Variants in CCNO observed in about 807,000 individuals in gnomAD.
CCNO encodes cyclin O.
CCNO carries 24 observed loss-of-function variants against 23.9 expected under a neutral mutation model. The observed-to-expected ratio is 1.00, with a 90% CI of 0.73 to 1.41. The LOEUF is 1.41. Ranked by LOEUF, CCNO falls within the 40% of genes most tolerant of loss-of-function variation. CCNO has a pLI of 0.00. For synonymous variants in CCNO, 241 were observed against 225.7 expected, an observed-to-expected ratio of 1.07 and a Z score of -0.61; for missense variants, 542 against 476.2, an observed-to-expected ratio of 1.14 and a Z score of -1.29.
Position 55,233,380 on chromosome 5 carries a change from C to G in CCNO, c.144G>C (p.Pro48=). The change falls in exon 1 of 3, where the codon CCG becomes CCC. Residue 48 remains proline (P), a synonymous_variant. Transcript: ENST00000282572. ...RRKQPLHPLN[P]CPLPGDSGIC... ...TGCCGGAGTCTCCCGGGAGCGGGCA[C>G]GGGTTCAGGGGATGCAGCGGCTGCT... 1 of 1,610,588 alleles carries G rather than the reference C, an allele frequency of 6.2e-7. No individual in the cohort carries two copies. Among genetic ancestry groups the G allele is most frequent in the Non-Finnish European group, 8.5e-7 (1 of 1,179,130 alleles).
chr5:55,231,322 C>G lies in CCNO; in HGVS notation c.*53G>C, dbSNP rs1363691247. On this transcript the variant is annotated 3_prime_UTR_variant, in exon 3 of 3. Transcript: ENST00000282572. ...CCAGTACTGCACTCTTCTGAGGCTA[C>G]GGGAGAGGTCCAGCAGCCGGGCCAG... 2.5e-6 allele frequency: 4 copies of G among 1,595,930 alleles called. No homozygotes were observed. The highest frequency in any genetic ancestry group is 3.4e-6 in the Non-Finnish European group (4 of 1,170,324).
chr5:55,233,371 G>C lies in CCNO; in HGVS notation c.153C>G (p.Leu51=). 1.2e-6 allele frequency: 2 copies of C among 1,610,510 alleles called. No individual in the cohort carries two copies. The highest frequency in any genetic ancestry group is 1.7e-6 in the Non-Finnish European group (2 of 1,179,172). Residue 51 remains leucine (L), a synonymous_variant, in exon 1 of 3, where the codon CTC becomes CTG. Coordinates refer to ENST00000282572, the MANE Select transcript of CCNO (RefSeq NM_021147.5). The part of the protein sequence containing the change: ...QPLHPLNPCP[L]PGDSGICDLF... ...GGTCGCAAATGCCGGAGTCTCCCGG[G>C]AGCGGGCACGGGTTCAGGGGATGCA...
intron 1 of CCNO, chr5:55,232,846 A>C (rs1222818114): frequency 1.7e-6 from 1 of 587,310 alleles, no homozygotes; most frequent in Non-Finnish European, 3.0e-6. Flanking sequence ...AGGGGTGTTA[A>C]ATAACTTGCC....
rs761492748 is a variant in CCNO at position 55,231,541 on chromosome 5, C to T, written c.887G>A (p.Arg296Gln). The T allele has an allele frequency of 3.8e-5, 62 of 1,613,384 alleles. No individual in the cohort carries two copies. The East Asian group carries it at 1.4e-3, about 35-fold the overall frequency. ...TCGCAAGTCCACGGGCCGCGAGACC[C>T]GCAGCATGCGGTCCGCCAGCGCCAG... ...CCLALADRML[R>Q]VSRPVDLRLG... Residue 296 changes from arginine to glutamine, a missense_variant, in exon 3 of 3, where the codon CGG becomes CAG. By Grantham distance (43) the Arg-to-Gln change is conservative. Transcript: ENST00000282572.
In CCNO at chr5:55,231,560, G is replaced by C. The variant is rs113727614; in HGVS notation, c.868C>G (p.Leu290Val). The change falls in exon 3 of 3, where the codon CTG (leucine) becomes GTG (valine). Residue 290 changes from leucine to valine, a missense_variant. Transcript: ENST00000282572. The stretch of plus-strand genomic sequence containing the variant: ...GAGACCCGCAGCATGCGGTCCGCCA[G>C]CGCCAGGCAGCAGATCGCCAGGAGG... ...PSLLAICCLA[L>V]ADRMLRVSRP... The C allele has an allele frequency of 1.2e-6, 2 of 1,613,570 alleles. No homozygotes were observed. The highest frequency in any genetic ancestry group is 1.7e-5 in the Admixed American group (1 of 60,018).
rs759691847 is a variant in CCNO at position 55,231,585 on chromosome 5, G to A, written c.843C>T (p.Ser281=). 167 of 1,613,328 alleles carry A rather than the reference G, an allele frequency of 1.0e-4. No homozygotes were observed. In the South Asian group the frequency reaches 1.2e-3, roughly 11 times the overall value. The change falls in exon 3 of 3, where the codon TCC becomes TCT. Residue 281 remains serine, a synonymous_variant. Coordinates refer to ENST00000282572, the MANE Select transcript of CCNO (RefSeq NM_021147.5). ...ADYAFTSYSP[S]LLAICCLALA... is the part of the protein sequence containing the mutation. ...GCGCCAGGCAGCAGATCGCCAGGAG[G>A]GAAGGGGAGTAGCTGGTGAAGGCAT...
intron 1 of CCNO, chr5:55,232,909 G>C: frequency 1.7e-6 from 1 of 595,070 alleles, no homozygotes; most frequent in Non-Finnish European, 3.0e-6. Context: ...TCTCTACCGT[G>C]CCCCAGTAGC....
chr5:55,231,176 TG>T lies in CCNO; in HGVS notation c.*198del. On this transcript the variant is annotated 3_prime_UTR_variant, in exon 3 of 3. Transcript: ENST00000282572. ...ATTTAGACAAACCACAACTGTTTAT[TG>T]GTGAAAGACTCAGCTTCCTCATGTG... 6.5e-6 allele frequency: 4 copies of T among 613,240 alleles called. No individual in the cohort carries two copies. Among genetic ancestry groups the T allele is most frequent in the Non-Finnish European group, 1.1e-5 (4 of 349,314 alleles). 38.0% of individuals were successfully genotyped at this position (613,240 alleles called of 1,614,324 possible).
Position 55,232,274 on chromosome 5 carries a change from C to T in CCNO, c.567+87G>A, listed in dbSNP as rs1048656067. ...TGGGAACCCAGCACTGAATCGTGCG[C>T]GCTGGAAAGACGGGCGGCCAGGGAG... On this transcript the variant is annotated intron_variant, in intron 2 of 2. Transcript: ENST00000282572. 1.0e-5 allele frequency: 13 copies of T among 1,243,118 alleles called. No individual in the cohort carries two copies. In the African/African-American group the frequency reaches 1.2e-4, roughly 11 times the overall value. 77.0% of individuals were successfully genotyped at this position (1,243,118 alleles called of 1,614,324 possible).
At position 55,231,644 on chromosome 5, in the gene CCNO, C is replaced by G. The variant is rs1354003525; in HGVS notation, c.784G>C (p.Ala262Pro). 6.3e-7 allele frequency: 1 copy of G among 1,591,084 alleles called. No individual in the cohort carries two copies. The highest frequency in any genetic ancestry group is 1.1e-5 in the South Asian group (1 of 88,870). The change falls in exon 3 of 3, where the codon GCG (alanine) becomes CCG (proline). Residue 262 changes from alanine to proline, a missense_variant. Ala to Pro is a conservative substitution (Grantham distance 27). Transcript: ENST00000282572. ...ASEALEAQALARGVAELSLAD... is the reference protein window; with the variant it reads ...ASEALEAQALPRGVAELSLAD... Reference sequence around the variant, plus strand: ...AGACTCAGCTCTGCCACCCCCCGCGCCAGGGCTTGCGCTTCCAGAGCTTCG... The same window carrying G: ...AGACTCAGCTCTGCCACCCCCCGCGGCAGGGCTTGCGCTTCCAGAGCTTCG...
chr5:55,231,211 AAAAT>A lies in CCNO; in HGVS notation c.*160_*163del. 2 of 748,100 alleles carry A rather than the reference AAAAT, an allele frequency of 2.7e-6. No individual in the cohort carries two copies. Among genetic ancestry groups the A allele is most frequent in the Non-Finnish European group, 4.4e-6 (2 of 456,116 alleles). The allele number at this position is 748,100 out of a possible 1,614,324, so 46.3% of individuals were successfully genotyped here. On this transcript the variant is annotated 3_prime_UTR_variant, in exon 3 of 3. Transcript: ENST00000282572. The stretch of plus-strand genomic sequence containing the variant: ...CTCAGCTTCCTCATGTGCTCGCTGC[AAAAT>A]AAATAAAATACCAGATGCTAGTATC...
In CCNO at chr5:55,233,337, A is replaced by G. The variant is rs377241996; in HGVS notation, c.187T>C (p.Ser63Pro). 1,089 of 1,606,404 alleles carry G rather than the reference A, an allele frequency of 6.8e-4. No individual in the cohort carries two copies. The highest frequency in any genetic ancestry group is 8.9e-4 in the Non-Finnish European group (1,054 of 1,177,732). Reference sequence around the variant, plus strand: ...GCGCCGTCTGAGCCGGAGCTGGGGGACTCGAACAGGTCGCAAATGCCGGAG... The same window carrying G: ...GCGCCGTCTGAGCCGGAGCTGGGGGGCTCGAACAGGTCGCAAATGCCGGAG... The part of the protein sequence containing the change: ...GDSGICDLFE[S>P]PSSGSDGAES... The change falls in exon 1 of 3, where the codon TCC (serine) becomes CCC (proline). Residue 63 changes from serine (S) to proline (P), a missense_variant. Physicochemically the swap from Ser to Pro is moderately conservative, Grantham distance 74. Transcript: ENST00000282572.
At position 55,232,416 on chromosome 5, in the gene CCNO, G is replaced by A; in HGVS notation, c.512C>T (p.Ala171Val). 6.2e-7 allele frequency: 1 copy of A among 1,613,974 alleles called. No homozygotes were observed. ...LDRFLTTTPV[A>V]ADCFQLLGVT... ...CCCAAGCAGCTGGAAGCAGTCTGCA[G>A]CCACCGGCGTGGTGGTGAGGAAGCG... The change falls in exon 2 of 3, where the codon GCT becomes GTT. Residue 171 changes from alanine to valine, a missense_variant. Coordinates refer to ENST00000282572, the MANE Select transcript of CCNO (RefSeq NM_021147.5).
intron 1 of CCNO, 179 bp from the exon 2 acceptor site, chr5:55,232,725 G>C: frequency 1.6e-6 from 1 of 639,094 alleles, no homozygotes; most frequent in Non-Finnish European, 2.7e-6. Flanking sequence ...GGAACACCGG[G>C]ATTGGGACCT....
intron 1 of CCNO, chr5:55,232,766 C>T (rs1711971352): frequency 3.3e-6 from 2 of 599,322 alleles, no homozygotes; most frequent in Non-Finnish European, 5.9e-6. Context: ...GTACACGTTA[C>T]CTCGCGTAAT....
chr5:55,232,294 A>G (rs1580410717), intron 2 of CCNO, 67 bp downstream of exon 2: 13 of 1,440,430 alleles, frequency 9.0e-6, no homozygotes, highest in South Asian at 8.2e-5. Flanking sequence ...ACGGGCGGCC[A>G]GGGAGTGGCG....
chr5:55,233,533 G>A lies in CCNO; in HGVS notation c.-10C>T. ...GACAGGGGGTCACCATGATGCGGCCGGGTGGCCGCTTTACTACCTTCAACG... is the reference window on the plus strand; with the variant it reads ...GACAGGGGGTCACCATGATGCGGCCAGGTGGCCGCTTTACTACCTTCAACG... On this transcript the variant is annotated 5_prime_UTR_variant, in exon 1 of 3. Coordinates refer to ENST00000282572, the MANE Select transcript of CCNO (RefSeq NM_021147.5). 1 of 1,538,980 alleles carries A rather than the reference G, an allele frequency of 6.5e-7. No homozygotes were observed. The highest frequency in any genetic ancestry group is 8.7e-7 in the Non-Finnish European group (1 of 1,147,110).
Position 55,231,695 on chromosome 5 carries a change from C to G in CCNO, c.733G>C (p.Val245Leu), listed in dbSNP as rs377600717. 1 of 1,576,634 alleles carries G rather than the reference C, an allele frequency of 6.3e-7. No homozygotes were observed. Among genetic ancestry groups the G allele is most frequent in the Non-Finnish European group, 8.6e-7 (1 of 1,161,460 alleles). Residue 245 changes from valine to leucine, a missense_variant, in exon 3 of 3, where the codon GTG becomes CTG. Transcript: ENST00000282572. ...GAGGCCTCAGCCTGCCCCGCCTCCA[C>G]GCGAGCGTGCGTGAAATGCTCCAGG... The part of the protein sequence containing the change: ...FFLEHFTHAR[V>L]EAGQAEASEA...
intron 2 of CCNO, among the ~76,000 whole-genome samples, 157 bp from the exon 3 acceptor site, chr5:55,232,017 C>T (rs1271473907): frequency 6.6e-6 from 1 of 151,848 alleles, no homozygotes; most frequent in African/African-American, 2.4e-5. Flanking sequence ...GTACTTCCAG[C>T]GCAGTTGATC....
Sources: allele counts gnomAD v4.1 joint callset (sites outside exome capture counted in the v4.1 genomes callset), GRCh38; gene constraint gnomAD v4.1.1; transcripts MANE v1.5; gene names NCBI Gene and HGNC (gene_info 2026-07-23, HGNC 2026-07-21).